The following DNAH5 variants were observed in gnomAD, a reference collection of about 807,000 sequenced individuals.
DNAH5 encodes axonemal beta dynein heavy chain 5.
Under a neutral mutation model 518.2 loss-of-function variants are expected in DNAH5, and 372 were observed. That is an observed-to-expected ratio of 0.72 (90% confidence interval 0.66 to 0.78). The LOEUF (loss-of-function observed/expected upper bound fraction) is 0.78, where lower values mean the gene tolerates loss of function less well. Among genes scored for constraint, DNAH5 ranks in the 30% least tolerant of loss-of-function variants. The pLI is 0.00. For synonymous variants in DNAH5, 2,039 were observed against 2,025.9 expected (o/e 1.01, Z -0.17); for missense variants, 5,523 against 5,687.0 (o/e 0.97, Z 0.93).
intron 78 of DNAH5, among the ~76,000 whole-genome samples, chr5:13,692,996 T>G (rs1179261143): frequency 6.6e-6 from 1 of 152,170 alleles, no homozygotes; most frequent in Non-Finnish European, 1.5e-5. Flanking sequence ...GTGAGCAGCC[T>G]GGGAGTTTAA....
At chr5:13,824,460 A>G (rs908702019) in intron 38 of DNAH5, 127 bp from the exon 39 acceptor site, 13 of 885,934 alleles carry the variant, frequency 1.5e-5, no homozygotes, top group African/African-American at 1.7e-5. Flanking sequence ...AAATGCATAC[A>G]CACAATGGGG....
Position 13,707,722 on chromosome 5 carries a change from G to C in DNAH5, c.13338+401C>G, listed in dbSNP as rs1460861603. ...CCTTTTGGTGTGACTTTTGATGTTA[G>C]GGTGAGGCATGTTTCCTTCTATGAA... On this transcript the variant is annotated intron_variant, in intron 76 of 78. Coordinates refer to ENST00000265104, the MANE Select transcript of DNAH5 (RefSeq NM_001369.3). The surrounding 1 kb of genome is among the most constrained non-coding windows in gnomAD (Gnocchi z 4.0). 1.3e-5 allele frequency among the ~76,000 whole-genome samples: 2 copies of C among 152,066 alleles called. No homozygotes were observed. The highest frequency in any genetic ancestry group is 4.8e-5 in the African/African-American group (2 of 41,402).
At position 13,917,017 on chromosome 5, in the gene DNAH5, T is replaced by C. The variant is rs112912890; in HGVS notation, c.1089+126A>G. On this transcript the variant is annotated intron_variant, in intron 8 of 78. Coordinates refer to ENST00000265104, the MANE Select transcript of DNAH5 (RefSeq NM_001369.3). Reference sequence around the variant, plus strand: ...ATATACCTATATATATGTAATTTTCTTGAAAATAAAGTTTCTAAGACCTTT... The same window carrying C: ...ATATACCTATATATATGTAATTTTCCTGAAAATAAAGTTTCTAAGACCTTT... The C allele has an allele frequency of 4.1e-3, 3,115 of 750,926 alleles. 68 individuals are homozygous for C. In the African/African-American group the frequency reaches 0.046, roughly 11 times the overall value. 46.5% of individuals were successfully genotyped at this position (750,926 alleles called of 1,614,324 possible).
chr5:13,811,545 T>C (rs944445384), intron 44 of DNAH5, 102 bp downstream of exon 44: 8 of 1,158,530 alleles, frequency 6.9e-6, no homozygotes, highest in African/African-American at 3.1e-5. Context: ...TAGTACTCTC[T>C]GTATAGCATG....
chr5:13,872,332 AT>A (rs1169533369), intron 22 of DNAH5, among the ~76,000 whole-genome samples: 1 of 152,208 alleles, frequency 6.6e-6, no homozygotes, highest in Non-Finnish European at 1.5e-5. Context: ...CTGGAATCAC[AT>A]AAAATGTATA....
intron 50 of DNAH5, among the ~76,000 whole-genome samples, chr5:13,790,498 T>C (rs1199753996): frequency 6.6e-6 from 1 of 152,172 alleles, no homozygotes; most frequent in African/African-American, 2.4e-5. Context: ...TCATCTGGAA[T>C]TGTAATCCTC....
rs933527269 is a variant in DNAH5, at chr5:13,718,754, C to A, written c.12499+128G>T. On this transcript the variant is annotated intron_variant, in intron 72 of 78. Transcript: ENST00000265104. Reference sequence around the variant, plus strand: ...CATATTCACAAAAGAGGACCATCACCTCCCCATCAGGTTAAACAGTAGTAC... The same window carrying A: ...CATATTCACAAAAGAGGACCATCACATCCCCATCAGGTTAAACAGTAGTAC... 5.9e-5 allele frequency: 46 copies of A among 784,818 alleles called. No homozygotes were observed. In the African/African-American group the frequency reaches 7.2e-4, roughly 12 times the overall value. 48.6% of individuals were successfully genotyped at this position (784,818 alleles called of 1,614,324 possible). A position where few individuals can be genotyped will look rare whatever the true frequency, so the allele number is the denominator to read the frequency against.
intron 35 of DNAH5, among the ~76,000 whole-genome samples, chr5:13,831,211 G>C (rs183214631): frequency 2.0e-5 from 3 of 152,336 alleles, no homozygotes; most frequent in African/African-American, 4.8e-5. Context: ...TTGAATCTAA[G>C]AGTTGGCCAT....
At chr5:13,722,657 C>T (rs1248043496) in intron 70 of DNAH5, among the ~76,000 whole-genome samples, 1 of 152,204 alleles carries the variant, frequency 6.6e-6, no homozygotes, top group Non-Finnish European at 1.5e-5. Flanking sequence ...CATCAGGGAA[C>T]GTCCATCTTC....
Position 13,721,003 on chromosome 5 carries a change from C to T in DNAH5, c.12276G>A (p.Ala4092=), listed in dbSNP as rs763359823. 37 of 1,613,970 alleles carry T rather than the reference C, an allele frequency of 2.3e-5. No individual in the cohort carries two copies. Among genetic ancestry groups the T allele is most frequent in the South Asian group, 3.3e-5 (3 of 91,068 alleles). ...AAAGTAGACTATTCAGCCTTACGTT[C>T]GCCATGGTCTGCTGCAAGAGCTTCC... The part of the protein sequence containing the change: ...HARKLLQQTM[A]NGGWALLQNC... The change falls in exon 71 of 79, where the codon GCG becomes GCA. Residue 4092 remains alanine, a synonymous_variant. Transcript: ENST00000265104.
At chr5:13,798,792 T>A (rs1000983693) in intron 47 of DNAH5, among the ~76,000 whole-genome samples, 1 of 147,128 alleles carries the variant, frequency 6.8e-6, no homozygotes, top group Admixed American at 6.8e-5. Flanking sequence ...TTATTTATTT[T>A]GAGACAGTGT....
chr5:13,793,406 G>A, intron 49 of DNAH5, 109 bp downstream of exon 49: 1 of 879,768 alleles, frequency 1.1e-6, no homozygotes, highest in South Asian at 1.3e-5. Flanking sequence ...TGTAGACCAA[G>A]GAGCCACCCA....
intron 29 of DNAH5, among the ~76,000 whole-genome samples, chr5:13,861,083 T>G (rs1463306681): frequency 6.6e-6 from 1 of 152,120 alleles, no homozygotes; most frequent in Non-Finnish European, 1.5e-5. Context: ...AAATATATAT[T>G]GAAAAAATAC....
At chr5:13,934,201 C>T (rs1024457098) in intron 1 of DNAH5, among the ~76,000 whole-genome samples, 2 of 152,172 alleles carry the variant, frequency 1.3e-5, no homozygotes, top group African/African-American at 4.8e-5. Context: ...AGAACAAAAC[C>T]TTCTGGTCAG....
At chr5:13,870,691 G>T in intron 24 of DNAH5, 76 bp downstream of exon 24, 1 of 1,309,400 alleles carries the variant, frequency 7.6e-7, no homozygotes, top group Non-Finnish European at 1.1e-6. Context: ...CTTCACTCCA[G>T]ACCCAGTCAA....
intron 15 of DNAH5, chr5:13,897,820 A>G (rs962147): frequency 0.53 from 81,191 of 152,012 alleles, 22,072 homozygotes; most frequent in African/African-American, 0.63. Flanking sequence ...GGGAGGGGGG[A>G]ACCACATCCC....
chr5:13,758,074 T>C lies in DNAH5; in HGVS notation c.10419+772A>G, dbSNP rs559016773. 1.5e-3 allele frequency among the ~76,000 whole-genome samples: 226 copies of C among 151,428 alleles called. 2 individuals are homozygous for C. The highest frequency in any genetic ancestry group is 5.1e-3 in the African/African-American group (211 of 41,280). Reference sequence around the variant, plus strand: ...CTTATATACTCTAGAGAGACCACTTTGTAAAAAAAAAAAATCAGTATGTAT... The same window carrying C: ...CTTATATACTCTAGAGAGACCACTTCGTAAAAAAAAAAAATCAGTATGTAT... On this transcript the variant is annotated intron_variant, in intron 61 of 78. Transcript: ENST00000265104.
In DNAH5 at chr5:13,842,441, A is replaced by AGAGAGAGAGAG. The variant is rs1765349629; in HGVS notation, c.5272-538_5272-537insCTCTCTCTCTC. 5.9e-5 allele frequency among the ~76,000 whole-genome samples: 6 copies of AGAGAGAGAGAG among 102,148 alleles called. 1 individual carries two copies. The highest frequency in any genetic ancestry group is 2.6e-4 in the African/African-American group (6 of 23,282). The allele number at this position is 102,148 out of a possible 152,430, so 67.0% of individuals were successfully genotyped here. A position where few individuals can be genotyped will look rare whatever the true frequency, so the allele number is the denominator to read the frequency against. ...AGAAAAGAAAAGAAAGAAAGAAAGAAAGAAAGAAAGAAAGAAAGAAAGAAA... is the reference window on the plus strand; with the variant it reads ...AGAAAAGAAAAGAAAGAAAGAAAGAAGAGAGAGAGAGAGAAAGAAAGAAAGAAAGAAAGAAA... On this transcript the variant is annotated intron_variant, in intron 32 of 78. Transcript: ENST00000265104.
At chr5:13,736,371 C>A (rs1214550584) in intron 66 of DNAH5, among the ~76,000 whole-genome samples, 1 of 152,024 alleles carries the variant, frequency 6.6e-6, no homozygotes, top group East Asian at 1.9e-4. Context: ...TTCTGCCTCT[C>A]TAACAATAAA....
Sources: gnomAD v4.1 joint callset for allele counts (sites outside exome capture counted in the v4.1 genomes callset) on GRCh38, gnomAD v4.1.1 for gene constraint, Gnocchi (gnomAD v3.1) non-coding constraint, MANE v1.5 for transcripts, NCBI Gene and HGNC (gene_info 2026-07-23, HGNC 2026-07-21) for gene names.